KIAA1958: variants seen among roughly 807,000 people sequenced by gnomAD.
The protein encoded by KIAA1958 is uncharacterized protein KIAA1958.
KIAA1958 carries 14 observed loss-of-function variants against 47.2 expected under a neutral mutation model. The ratio of observed to expected loss-of-function variants is 0.30; its 90% CI spans 0.20 to 0.46. KIAA1958 has a LOEUF of 0.46. Among genes scored for constraint, KIAA1958 ranks in the 20% least tolerant of loss-of-function variants. The pLI is 1.00. For synonymous variants in KIAA1958, 354 were observed against 353.3 expected (o/e 1.00, Z -0.02); for missense variants, 803 against 909.2 (o/e 0.88, Z 1.50).
intron 2 of KIAA1958, among the ~76,000 whole-genome samples, chr9:112,593,971 C>T (rs1173455124): frequency 6.6e-6 from 1 of 152,088 alleles, no homozygotes. Context: ...CTCAAGCAAT[C>T]CTCCCACCTC....
Position 112,514,852 on chromosome 9 carries a change from TG to T in KIAA1958, c.-25+27743del, listed in dbSNP as rs1314032103. ...CCAGCCGCCCCGTCCGGGAGGGAGG[TG>T]GGGGGGGGTCAGCCCCCCCGCCCAG... On this transcript the variant is annotated intron_variant, in intron 1 of 3. Transcript: ENST00000337530. 7.5e-3 allele frequency among the ~76,000 whole-genome samples: 43 copies of T among 5,750 alleles called. 2 individuals are homozygous for T. The highest frequency in any genetic ancestry group is 0.01 in the Non-Finnish European group (31 of 2,976). The allele number at this position is 5,750 out of a possible 152,430, so 3.8% of individuals were successfully genotyped here. A position where few individuals can be genotyped will look rare whatever the true frequency, so the allele number is the denominator to read the frequency against.
At chr9:112,649,079 A>G (rs1427302375) in intron 3 of KIAA1958, among the ~76,000 whole-genome samples, 1 of 152,240 alleles carries the variant, frequency 6.6e-6, no homozygotes, top group Non-Finnish European at 1.5e-5. Context: ...GCTTATGCAT[A>G]TTTTACTTAG....
intron 1 of KIAA1958, among the ~76,000 whole-genome samples, chr9:112,519,855 A>T (rs1210922771): frequency 6.6e-6 from 1 of 152,200 alleles, no homozygotes; most frequent in African/African-American, 2.4e-5. Flanking sequence ...CCAGTAGATT[A>T]TATTCATGTA....
intron 2 of KIAA1958, among the ~76,000 whole-genome samples, chr9:112,583,206 A>C (rs1172797616): frequency 6.6e-6 from 1 of 152,226 alleles, no homozygotes; most frequent in Non-Finnish European, 1.5e-5. Context: ...CAGCAAGGGC[A>C]GTCCTGTGAC....
At chr9:112,521,549 T>G (rs987970779) in intron 1 of KIAA1958, among the ~76,000 whole-genome samples, 1 of 152,184 alleles carries the variant, frequency 6.6e-6, no homozygotes, top group African/African-American at 2.4e-5. Context: ...ATAATATTTT[T>G]TAAAGATTTT....
intron 1 of KIAA1958, among the ~76,000 whole-genome samples, chr9:112,522,942 G>C (rs755255644): frequency 7.2e-5 from 11 of 152,176 alleles, no homozygotes; most frequent in Non-Finnish European, 1.2e-4. Flanking sequence ...ACATGGCCCA[G>C]ATTGCTTTTA....
chr9:112,536,664 T>C (rs926941379), intron 1 of KIAA1958, among the ~76,000 whole-genome samples: 5 of 152,136 alleles, frequency 3.3e-5, no homozygotes, highest in Non-Finnish European at 7.4e-5. Flanking sequence ...ATGTCTGTAG[T>C]CCCAGCTACT....
At chr9:112,518,870 A>G (rs546154242) in intron 1 of KIAA1958, among the ~76,000 whole-genome samples, 1 of 152,128 alleles carries the variant, frequency 6.6e-6, no homozygotes, top group African/African-American at 2.4e-5. Flanking sequence ...AGCTAAAGAA[A>G]AAAAAAAAAG....
rs536432800 is a variant in KIAA1958 at position 112,533,442 on chromosome 9, C to T, written c.-24-40615C>T. On this transcript the variant is annotated intron_variant, in intron 1 of 3. Coordinates refer to ENST00000337530, the MANE Select transcript of KIAA1958 (RefSeq NM_133465.4). ...TACAAAGAAAAAAAAAATAGCCAGG[C>T]GTGGTGGTGGGTGCTGTAGTCCCAG... is the stretch of plus-strand genomic sequence containing the variant. Among the ~76,000 whole-genome samples, 587 of 144,768 alleles carry T rather than the reference C, an allele frequency of 4.1e-3. 11 individuals carry two copies. The highest frequency in any genetic ancestry group is 0.024 in the South Asian group (107 of 4,534). 95.0% of individuals were successfully genotyped at this position (144,768 alleles called of 152,430 possible).
At chr9:112,653,969 G>A (rs935940883) in intron 3 of KIAA1958, among the ~76,000 whole-genome samples, 3 of 152,152 alleles carry the variant, frequency 2.0e-5, no homozygotes, top group Admixed American at 6.6e-5. Context: ...TGAAGGCTTG[G>A]AATTCACACA....
At chr9:112,508,338 G>C (rs1264280647) in intron 1 of KIAA1958, among the ~76,000 whole-genome samples, 1 of 152,150 alleles carries the variant, frequency 6.6e-6, no homozygotes, top group African/African-American at 2.4e-5. Flanking sequence ...TGAAAAAATA[G>C]TGTCTTACTG....
chr9:112,634,017 GGTGTGTGTTCAACT>G (rs1326376724), intron 2 of KIAA1958, among the ~76,000 whole-genome samples: 4 of 152,080 alleles, frequency 2.6e-5, no homozygotes, highest in African/African-American at 9.7e-5. Flanking sequence ...TCATAGAATT[GGTGTGTGTTCAACT>G]GTAGTAGATA....
chr9:112,500,895 T>A (rs1381690175), intron 1 of KIAA1958, among the ~76,000 whole-genome samples: 1 of 150,676 alleles, frequency 6.6e-6, no homozygotes, highest in Non-Finnish European at 1.5e-5. Context: ...GATTGCTTGA[T>A]CCCAGGAATT....
chr9:112,634,213 A>T (rs1406282332), intron 2 of KIAA1958, among the ~76,000 whole-genome samples: 1 of 152,134 alleles, frequency 6.6e-6, no homozygotes, highest in Admixed American at 6.5e-5. Context: ...TAATATTTCT[A>T]TGCAAGGCCC....
chr9:112,510,682 CAT>C (rs1834312459), intron 1 of KIAA1958, among the ~76,000 whole-genome samples: 2 of 152,118 alleles, frequency 1.3e-5, no homozygotes, highest in South Asian at 4.1e-4. Context: ...TGTAGCTAAA[CAT>C]AGAAAATGGA....
intron 2 of KIAA1958, among the ~76,000 whole-genome samples, chr9:112,634,290 G>A (rs371412142): frequency 1.2e-4 from 18 of 152,252 alleles, no homozygotes; most frequent in East Asian, 5.8e-4. Flanking sequence ...GTGCAGTGGC[G>A]CAATCTCGGC....
chr9:112,628,640 AT>A (rs1836660188), intron 2 of KIAA1958, among the ~76,000 whole-genome samples: 1 of 152,210 alleles, frequency 6.6e-6, no homozygotes, highest in Non-Finnish European at 1.5e-5. Context: ...TATCCTGATG[AT>A]TAACAATTTA....
chr9:112,508,561 A>G (rs1470309175), intron 1 of KIAA1958, among the ~76,000 whole-genome samples: 1 of 152,240 alleles, frequency 6.6e-6, no homozygotes, highest in Non-Finnish European at 1.5e-5. Flanking sequence ...TTAATTTACA[A>G]GAAACATTCC....
chr9:112,607,360 G>A lies in KIAA1958; in HGVS notation c.1171+32109G>A, dbSNP rs540381395. ...AAAAGAAAAAAGAAAAAAAAAAGGC[G>A]TGGGAATGTAGATTTCAGATGGAAG... is the stretch of plus-strand genomic sequence containing the variant. On this transcript the variant is annotated intron_variant, in intron 2 of 3. Transcript: ENST00000337530. Among the ~76,000 whole-genome samples, 14 of 151,900 alleles carry A rather than the reference G, an allele frequency of 9.2e-5. No individual in the cohort carries two copies. The South Asian group carries it at 1.5e-3, about 16-fold the overall frequency.
Sources: allele counts gnomAD v4.1 joint callset (sites outside exome capture counted in the v4.1 genomes callset), GRCh38; gene constraint gnomAD v4.1.1; transcripts MANE v1.5; gene names NCBI Gene and HGNC (gene_info 2026-07-23, HGNC 2026-07-21).